COX7B2: variants seen among roughly 807,000 people sequenced by gnomAD.
COX7B2 encodes the protein cytochrome c oxidase subunit 7B2.
For missense variants in COX7B2, 109 were observed against 95.9 expected (o/e 1.14, Z -0.57); for synonymous variants, 37 against 32.1 (o/e 1.15, Z -0.51).
intron 1 of COX7B2, among the ~76,000 whole-genome samples, chr4:46,887,494 G>A (rs192679696): frequency 1.5e-3 from 234 of 152,064 alleles, no homozygotes; most frequent in African/African-American, 5.3e-3. Context: ...GGTTGATCAC[G>A]AGGTCAGGAG....
At chr4:46,790,048 C>G (rs1408917439) in intron 2 of COX7B2, among the ~76,000 whole-genome samples, 4 of 151,652 alleles carry the variant, frequency 2.6e-5, no homozygotes, top group African/African-American at 9.7e-5. Flanking sequence ...ATCCACACAT[C>G]TTGAAATCAA....
intron 1 of COX7B2, among the ~76,000 whole-genome samples, chr4:46,850,243 A>C (rs1716583303): frequency 6.7e-6 from 1 of 149,534 alleles, no homozygotes. Flanking sequence ...AATGATTTAA[A>C]ATAATTTAAA....
chr4:46,895,783 T>C (rs1197979885), intron 1 of COX7B2, among the ~76,000 whole-genome samples: 2 of 152,178 alleles, frequency 1.3e-5, no homozygotes, highest in African/African-American at 2.4e-5. Flanking sequence ...CCCCAAATTG[T>C]ATAATCTTCC....
chr4:46,777,308 C>T (rs749800465), intron 2 of COX7B2, among the ~76,000 whole-genome samples: 2 of 151,934 alleles, frequency 1.3e-5, no homozygotes, highest in Non-Finnish European at 2.9e-5. Flanking sequence ...ATGGATAACT[C>T]ATGAAGAATT....
intron 2 of COX7B2, among the ~76,000 whole-genome samples, chr4:46,750,173 C>T (rs1358554339): frequency 7.0e-6 from 1 of 143,772 alleles, no homozygotes; most frequent in East Asian, 2.1e-4. Context: ...CCAGCCTGGA[C>T]AACACAATGA....
chr4:46,772,397 G>C (rs1362801708), intron 2 of COX7B2, among the ~76,000 whole-genome samples: 1 of 152,092 alleles, frequency 6.6e-6, no homozygotes, highest in Admixed American at 6.6e-5. Context: ...TAATGATACT[G>C]TATAGTATGC....
intron 1 of COX7B2, among the ~76,000 whole-genome samples, chr4:46,883,397 T>C (rs1259075914): frequency 2.0e-5 from 3 of 152,132 alleles, no homozygotes; most frequent in African/African-American, 7.2e-5. Context: ...TTTTAATTTT[T>C]GCACTAGTAT....
At chr4:46,851,737 TA>T (rs1577656910) in intron 1 of COX7B2, among the ~76,000 whole-genome samples, 2 of 152,262 alleles carry the variant, frequency 1.3e-5, no homozygotes, top group East Asian at 3.9e-4. Context: ...TATTGTTTTG[TA>T]AAATGTCCTT....
chr4:46,835,023 GA>G (rs1715411621), intron 2 of COX7B2, among the ~76,000 whole-genome samples: 1 of 152,126 alleles, frequency 6.6e-6, no homozygotes, highest in South Asian at 2.1e-4. Flanking sequence ...TCTTAAACAA[GA>G]AAAACTTTCA....
chr4:46,853,806 C>G (rs568924520), intron 1 of COX7B2, among the ~76,000 whole-genome samples: 2 of 152,160 alleles, frequency 1.3e-5, no homozygotes, highest in South Asian at 4.1e-4. Flanking sequence ...TTAGTGCTAT[C>G]TTTTCACTCA....
intron 2 of COX7B2, among the ~76,000 whole-genome samples, chr4:46,799,313 A>G (rs542466410): frequency 1.9e-4 from 29 of 152,186 alleles, no homozygotes; most frequent in South Asian, 1.9e-3. Context: ...GTGAAGAGAG[A>G]TAGTTTGACT....
intron 2 of COX7B2, among the ~76,000 whole-genome samples, chr4:46,837,713 G>A (rs1715613628): frequency 6.6e-6 from 1 of 151,990 alleles, no homozygotes; most frequent in African/African-American, 2.4e-5. Context: ...ATAAGGATAA[G>A]ATAACACTTT....
intron 2 of COX7B2, among the ~76,000 whole-genome samples, chr4:46,784,604 G>A (rs995704404): frequency 3.3e-5 from 5 of 152,084 alleles, no homozygotes; most frequent in East Asian, 1.9e-4. Context: ...TAGTCTGGGC[G>A]ACAGGGCAAG....
At chr4:46,789,505 G>A (rs934113335) in intron 2 of COX7B2, among the ~76,000 whole-genome samples, 3 of 152,024 alleles carry the variant, frequency 2.0e-5, no homozygotes, top group African/African-American at 7.2e-5. Flanking sequence ...CACTGCTCAC[G>A]ATTACCGTGG....
chr4:46,790,357 C>T (rs537591178), intron 2 of COX7B2, among the ~76,000 whole-genome samples: 15 of 152,304 alleles, frequency 9.8e-5, no homozygotes, highest in Non-Finnish European at 1.9e-4. Context: ...AAGACCCAGA[C>T]TCCTGAATCT....
intron 2 of COX7B2, among the ~76,000 whole-genome samples, chr4:46,839,613 A>T (rs1169681366): frequency 6.6e-6 from 1 of 152,014 alleles, no homozygotes; most frequent in Non-Finnish European, 1.5e-5. Flanking sequence ...TGATTATCGA[A>T]ATTTTTCATA....
chr4:46,767,734 A>G (rs1716628168), intron 2 of COX7B2, among the ~76,000 whole-genome samples: 1 of 152,208 alleles, frequency 6.6e-6, no homozygotes, highest in Non-Finnish European at 1.5e-5. Context: ...AATAAAACAT[A>G]CTCCTCAAAG....
At chr4:46,904,989 T>C (rs889281114) in intron 1 of COX7B2, among the ~76,000 whole-genome samples, 3 of 152,176 alleles carry the variant, frequency 2.0e-5, no homozygotes, top group Admixed American at 6.5e-5. Context: ...GAAGCCAGAT[T>C]GCCTAAGTCT....
At chr4:46,739,119 TA>T (rs1300770793) in intron 2 of COX7B2, among the ~76,000 whole-genome samples, 4 of 152,116 alleles carry the variant, frequency 2.6e-5, no homozygotes, top group African/African-American at 7.2e-5. Context: ...TTATTGAGTA[TA>T]TACCTGTGTG....
Sources: allele counts gnomAD v4.1 joint callset (sites outside exome capture counted in the v4.1 genomes callset), GRCh38; gene constraint gnomAD v4.1.1; transcripts MANE v1.5; gene names NCBI Gene and HGNC (gene_info 2026-07-23, HGNC 2026-07-21).